Variants in NOL4 observed in about 807,000 individuals in gnomAD.
The protein encoded by NOL4 is cancer/testis antigen 125.
In NOL4, 17 loss-of-function variants were observed where a neutral mutation model predicts 75.9. The ratio of observed to expected loss-of-function variants is 0.22; its 90% CI spans 0.15 to 0.34. NOL4 has a LOEUF of 0.34. Ranked by LOEUF, NOL4 falls within the 10% of genes least tolerant of loss-of-function variation. The pLI is 1.00. For synonymous variants in NOL4, 292 were observed against 289.9 expected, an observed-to-expected ratio of 1.01 and a Z score of -0.07; for missense variants, 614 against 793.5, an observed-to-expected ratio of 0.77 and a Z score of 2.72.
intron 5 of NOL4, among the ~76,000 whole-genome samples, chr18:34,057,079 C>A (rs2076862604): frequency 6.6e-6 from 1 of 152,146 alleles, no homozygotes; most frequent in Non-Finnish European, 1.5e-5. Context: ...TTAATGAACC[C>A]TGACATGTCC....
At chr18:34,192,646 C>G (rs999475156) in intron 1 of NOL4, among the ~76,000 whole-genome samples, 4 of 152,174 alleles carry the variant, frequency 2.6e-5, no homozygotes, top group Non-Finnish European at 2.9e-5. Context: ...ATTGGGACAA[C>G]TTGATATCCT....
intron 9 of NOL4, among the ~76,000 whole-genome samples, chr18:33,884,338 A>G (rs972537016): frequency 6.6e-6 from 1 of 151,914 alleles, no homozygotes; most frequent in Non-Finnish European, 1.5e-5. Context: ...AGCTGATTCC[A>G]TTACATGCGT....
At chr18:34,014,711 C>T (rs550859776) in intron 6 of NOL4, among the ~76,000 whole-genome samples, 27 of 151,978 alleles carry the variant, frequency 1.8e-4, no homozygotes, top group South Asian at 1.7e-3. Flanking sequence ...TTTTAAAATG[C>T]GGCCATCAGC....
intron 9 of NOL4, among the ~76,000 whole-genome samples, chr18:33,930,995 C>A (rs757210618): frequency 3.9e-5 from 6 of 151,958 alleles, no homozygotes; most frequent in Non-Finnish European, 7.4e-5. Flanking sequence ...AAAAGTACTA[C>A]ATTAAGTAAT....
At chr18:34,017,602 C>CAAT (rs2074776397) in intron 6 of NOL4, among the ~76,000 whole-genome samples, 1 of 152,072 alleles carries the variant, frequency 6.6e-6, no homozygotes, top group African/African-American at 2.4e-5. Context: ...TTTTTGAAGA[C>CAAT]AATAATAAAA....
At chr18:33,993,537 C>CACA (rs568642195) in intron 6 of NOL4, among the ~76,000 whole-genome samples, 268 of 151,680 alleles carry the variant, frequency 1.8e-3, no homozygotes, top group Non-Finnish European at 2.8e-3. Flanking sequence ...GGAAGTTTCC[C>CACA]ACAACAACAA....
chr18:33,931,821 A>G (rs2067712955), intron 9 of NOL4, among the ~76,000 whole-genome samples: 1 of 152,132 alleles, frequency 6.6e-6, no homozygotes, highest in African/African-American at 2.4e-5. Context: ...AGCCTAAAAC[A>G]TAATCTTAGT....
At position 34,118,288 on chromosome 18, in the gene NOL4, T is replaced by A. The variant is rs990900002; in HGVS notation, c.414+11583A>T. On this transcript the variant is annotated intron_variant, in intron 2 of 10. Transcript: ENST00000261592. ...AGGCCAAACTTCTGACATTTTCTCT[T>A]ATCAATATCCTGCAGATCATGGATA... is the stretch of plus-strand genomic sequence containing the variant. Among the ~76,000 whole-genome samples, 6 of 152,210 alleles carry A rather than the reference T, an allele frequency of 3.9e-5. No individual in the cohort carries two copies. The South Asian group carries it at 1.2e-3, about 31-fold the overall frequency.
chr18:34,152,273 G>A (rs1195434298), intron 1 of NOL4, among the ~76,000 whole-genome samples: 1 of 151,576 alleles, frequency 6.6e-6, no homozygotes, highest in Non-Finnish European at 1.5e-5. Context: ...GTGAGCAATG[G>A]GCCACAAGAC....
chr18:33,966,144 G>T (rs1420844801), intron 6 of NOL4, among the ~76,000 whole-genome samples: 1 of 152,048 alleles, frequency 6.6e-6, no homozygotes, highest in Non-Finnish European at 1.5e-5. Flanking sequence ...CACATGATTG[G>T]ATGAATCCAC....
chr18:34,209,149 AC>A (rs2036330006), intron 1 of NOL4, among the ~76,000 whole-genome samples: 2 of 145,348 alleles, frequency 1.4e-5, no homozygotes, highest in Non-Finnish European at 3.0e-5. Context: ...ATCTGAGATC[AC>A]ACCACTGCAC....
intron 6 of NOL4, among the ~76,000 whole-genome samples, chr18:34,002,855 T>C (rs1483822154): frequency 2.0e-5 from 3 of 152,108 alleles, no homozygotes; most frequent in African/African-American, 7.2e-5. Flanking sequence ...AAAGTTCCAT[T>C]AAGGGCTCAC....
chr18:33,993,194 G>GT (rs2073046687), intron 6 of NOL4, among the ~76,000 whole-genome samples: 1 of 151,896 alleles, frequency 6.6e-6, no homozygotes, highest in Admixed American at 6.6e-5. Flanking sequence ...TACAGCATTA[G>GT]TCTGAACAGC....
At chr18:34,208,348 T>C (rs758661434) in intron 1 of NOL4, among the ~76,000 whole-genome samples, 1 of 151,958 alleles carries the variant, frequency 6.6e-6, no homozygotes, top group Non-Finnish European at 1.5e-5. Context: ...TCATGAGCCC[T>C]ACCCTGACCC....
chr18:34,138,536 T>C (rs974206171), intron 1 of NOL4, among the ~76,000 whole-genome samples: 9 of 152,186 alleles, frequency 5.9e-5, no homozygotes, highest in African/African-American at 2.2e-4. Flanking sequence ...AATTAGAGGA[T>C]GGTGGTTCTA....
At chr18:34,197,732 G>A (rs1216909920) in intron 1 of NOL4, among the ~76,000 whole-genome samples, 1 of 151,866 alleles carries the variant, frequency 6.6e-6, no homozygotes, top group Non-Finnish European at 1.5e-5. Flanking sequence ...TGAATTCCTG[G>A]CAGAGGGAAC....
chr18:34,132,620 A>T (rs1385476817), intron 1 of NOL4, among the ~76,000 whole-genome samples: 1 of 152,192 alleles, frequency 6.6e-6, no homozygotes, highest in East Asian at 1.9e-4. Context: ...TAGGTCTACC[A>T]TATAAATCAG....
At chr18:34,192,544 A>G (rs2034997756) in intron 1 of NOL4, among the ~76,000 whole-genome samples, 1 of 152,184 alleles carries the variant, frequency 6.6e-6, no homozygotes, top group Non-Finnish European at 1.5e-5. Flanking sequence ...TAGATAACCC[A>G]AAAGTAAATT....
rs941474407 is a variant in NOL4, at chr18:34,092,454, T to A, written c.772+1011A>T. Among the ~76,000 whole-genome samples, 9 of 152,242 alleles carry A rather than the reference T, an allele frequency of 5.9e-5. No homozygotes were observed. In the South Asian group the frequency reaches 1.9e-3, roughly 32 times the overall value. On this transcript the variant is annotated intron_variant, in intron 5 of 10. Transcript: ENST00000261592. ...CTGAAGTGAGAAAAAGAAAAGCCCC[T>A]CTGTTCTTGGACGTTTTTTATGCTT...
Sources: allele counts gnomAD v4.1 joint callset (sites outside exome capture counted in the v4.1 genomes callset), GRCh38; gene constraint gnomAD v4.1.1; transcripts MANE v1.5; gene names NCBI Gene and HGNC (gene_info 2026-07-23, HGNC 2026-07-21).